GTF2IRD1: variants seen among roughly 807,000 people sequenced by gnomAD.
GTF2IRD1 encodes the protein GTF2I repeat domain containing 1, also known as general transcription factor II-I repeat domain-containing protein 1.
In GTF2IRD1, 26 loss-of-function variants were observed where a neutral mutation model predicts 113.2. The observed-to-expected ratio is 0.23, with a 90% confidence interval of 0.17 to 0.32. GTF2IRD1 has a LOEUF of 0.32. GTF2IRD1 is among the 10% of genes least tolerant of loss of function. The pLI is 1.00. For missense variants in GTF2IRD1, 864 were observed against 1,280.8 expected, an observed-to-expected ratio of 0.67 and a Z score of 4.97; for synonymous variants, 484 against 529.1, an observed-to-expected ratio of 0.91 and a Z score of 1.17.
chr7:74,460,853 G>T lies in GTF2IRD1; in HGVS notation c.-7+6677G>T, dbSNP rs550188234. ...AAAGCTGGGAGACCCCGCCACGGGG[G>T]CGGTTGTGGACTTGAGGGGCTGACC... On this transcript the variant is annotated intron_variant, in intron 1 of 26. Coordinates refer to ENST00000424337, the MANE Select transcript of GTF2IRD1 (RefSeq NM_005685.4). Among the ~76,000 whole-genome samples, 12 of 152,332 alleles carry T rather than the reference G, an allele frequency of 7.9e-5. No homozygotes were observed. The South Asian group carries it at 2.5e-3, about 32-fold the overall frequency.
intron 9 of GTF2IRD1, among the ~76,000 whole-genome samples, chr7:74,534,605 G>C (rs1456714783): frequency 6.6e-6 from 1 of 151,996 alleles, no homozygotes; most frequent in African/African-American, 2.4e-5. Flanking sequence ...GCAGAGCTGG[G>C]GGAGCGAGGC....
chr7:74,580,785 C>T (rs1341987198), intron 22 of GTF2IRD1, among the ~76,000 whole-genome samples: 3 of 152,064 alleles, frequency 2.0e-5, no homozygotes, highest in African/African-American at 7.2e-5. Flanking sequence ...GTCGCTGCTG[C>T]GGGGATGGGT....
intron 1 of GTF2IRD1, among the ~76,000 whole-genome samples, chr7:74,473,777 A>G (rs1319186251): frequency 6.6e-6 from 1 of 152,130 alleles, no homozygotes; most frequent in East Asian, 1.9e-4. Flanking sequence ...CAACCTTGGT[A>G]GCACAGGACA....
intron 21 of GTF2IRD1, 111 bp downstream of exon 21, chr7:74,559,155 G>GCCAGGAGAGCCACCTT: frequency 1.0e-6 from 1 of 982,408 alleles, no homozygotes; most frequent in Non-Finnish European, 1.5e-6. Context: ...TGGACAAGGT[G>GCCAGGAGAGCCACCTT]GCTCTCCTGG....
chr7:74,583,348 C>CACAT lies in GTF2IRD1; in HGVS notation c.2321-6503_2321-6502insACAT, dbSNP rs143447850. Among the ~76,000 whole-genome samples, 690 of 151,524 alleles carry CACAT rather than the reference C, an allele frequency of 4.6e-3. 30 individuals carry two copies. Among genetic ancestry groups the CACAT allele is most frequent in the Admixed American group, 0.04 (601 of 15,126 alleles). On this transcript the variant is annotated intron_variant, in intron 22 of 26. Coordinates refer to ENST00000424337, the MANE Select transcript of GTF2IRD1 (RefSeq NM_005685.4). ...GGATTACAGGCACACACCACCATGC[C>CACAT]CAGCTAATTTTTCTTTTTTTTTCTT...
intron 15 of GTF2IRD1, among the ~76,000 whole-genome samples, chr7:74,545,031 A>G (rs1221040110): frequency 6.6e-6 from 1 of 152,166 alleles, no homozygotes; most frequent in Non-Finnish European, 1.5e-5. Flanking sequence ...AGCAGTTCCC[A>G]CTGCTAAGGA....
Position 74,508,075 on chromosome 7 carries a change from G to A in GTF2IRD1, c.-6G>A, listed in dbSNP as rs376684538. The A allele has an allele frequency of 1.2e-5, 19 of 1,604,364 alleles. No individual in the cohort carries two copies. Among genetic ancestry groups the A allele is most frequent in the East Asian group, 6.7e-5 (3 of 44,854 alleles). ...ACCACTGCCTCCTCCCTCCCCACAG[G>A]CGACCATGGCCTTGCTGGGTAAGCG... On this transcript the variant is annotated splice_region_variant and 5_prime_UTR_variant, in exon 2 of 27. Coordinates refer to ENST00000424337, the MANE Select transcript of GTF2IRD1 (RefSeq NM_005685.4).
intron 2 of GTF2IRD1, among the ~76,000 whole-genome samples, chr7:74,509,881 T>A (rs1796525151): frequency 6.6e-6 from 1 of 152,094 alleles, no homozygotes; most frequent in South Asian, 2.1e-4. Flanking sequence ...TTCACCATGT[T>A]GGCCAGGATG....
Position 74,590,972 on chromosome 7 carries a change from T to C in GTF2IRD1, c.2546T>C (p.Leu849Pro). The C allele has an allele frequency of 6.2e-7, 1 of 1,613,348 alleles. No individual in the cohort carries two copies. Among genetic ancestry groups the C allele is most frequent in the Non-Finnish European group, 8.5e-7 (1 of 1,179,944 alleles). Residue 849 changes from leucine (L) to proline (P), a missense_variant, in exon 24 of 27, where the codon CTG becomes CCG. This residue lies in a region of GTF2IRD1 where 195 missense variants were observed against 359.1 expected (regional missense o/e 0.54). Coordinates refer to ENST00000424337, the MANE Select transcript of GTF2IRD1 (RefSeq NM_005685.4). ...TYDIHRLEKILKAREHVRMVI... is the reference protein window; with the variant it reads ...TYDIHRLEKIPKAREHVRMVI... ...GACATCCACCGGCTGGAGAAGATCC[T>C]GAAGGCCCGAGAGCATGTCCGCATG...
chr7:74,573,416 C>T (rs1362724087), intron 22 of GTF2IRD1, among the ~76,000 whole-genome samples: 4 of 149,984 alleles, frequency 2.7e-5, no homozygotes, highest in South Asian at 4.2e-4. Flanking sequence ...AAAAAAAAAA[C>T]GATTAAAATT....
At chr7:74,573,181 C>A (rs1173538587) in intron 22 of GTF2IRD1, among the ~76,000 whole-genome samples, 1 of 151,948 alleles carries the variant, frequency 6.6e-6, no homozygotes, top group Non-Finnish European at 1.5e-5. Flanking sequence ...TTGAGGCAGG[C>A]GGATTGCTTG....
chr7:74,587,467 C>A (rs1399895717), intron 22 of GTF2IRD1, among the ~76,000 whole-genome samples: 17 of 151,322 alleles, frequency 1.1e-4, no homozygotes, highest in African/African-American at 3.9e-4. Flanking sequence ...GAAAAAAAAA[C>A]AGGAGTCATT....
At chr7:74,573,257 C>G (rs891812814) in intron 22 of GTF2IRD1, among the ~76,000 whole-genome samples, 1 of 151,678 alleles carries the variant, frequency 6.6e-6, no homozygotes, top group African/African-American at 2.4e-5. Flanking sequence ...AAAAAATGAG[C>G]CAGGCATGAG....
intron 1 of GTF2IRD1, among the ~76,000 whole-genome samples, chr7:74,472,164 C>T (rs1442356084): frequency 6.6e-6 from 1 of 152,218 alleles, no homozygotes; most frequent in Non-Finnish European, 1.5e-5. Context: ...TAGTTGGTGC[C>T]ACCATCCCTT....
At chr7:74,513,035 A>C in intron 3 of GTF2IRD1, 64 bp downstream of exon 3, 1 of 1,514,284 alleles carries the variant, frequency 6.6e-7, no homozygotes, top group Non-Finnish European at 9.1e-7. Flanking sequence ...GCTCTAGCCC[A>C]TCTCTGGGTC....
At position 74,482,223 on chromosome 7, in the gene GTF2IRD1, CTT is replaced by C. The variant is rs5884948; in HGVS notation, c.-6-25830_-6-25829del. Among the ~76,000 whole-genome samples the C allele has an allele frequency of 2.6e-3, 277 of 107,944 alleles. 1 individual carries two copies. The highest frequency in any genetic ancestry group is 8.5e-3 in the African/African-American group (224 of 26,418). 70.8% of individuals were successfully genotyped at this position (107,944 alleles called of 152,430 possible). A position where few individuals can be genotyped will look rare whatever the true frequency, so the allele number is the denominator to read the frequency against. On this transcript the variant is annotated intron_variant, in intron 1 of 26. Transcript: ENST00000424337. ...TCCCAATACCTGATGTCTCCTAAAA[CTT>C]TTTTTTTTTTTTTTTTTTTTTGAGA... is the stretch of plus-strand genomic sequence containing the variant.
chr7:74,536,872 A>T (rs1554350349), intron 11 of GTF2IRD1, among the ~76,000 whole-genome samples: 2 of 152,010 alleles, frequency 1.3e-5, no homozygotes, highest in Non-Finnish European at 2.9e-5. Context: ...GCGCTTTGGG[A>T]GGCTGAGGTG....
At chr7:74,557,795 C>A in intron 20 of GTF2IRD1, 73 bp downstream of exon 20, 1 of 884,468 alleles carries the variant, frequency 1.1e-6, no homozygotes, top group South Asian at 1.4e-5. Flanking sequence ...TTCCCAGTTC[C>A]AGCCGAGGGC....
intron 1 of GTF2IRD1, among the ~76,000 whole-genome samples, chr7:74,474,077 A>G: frequency 1.0e-5 from 1 of 97,538 alleles, no homozygotes; most frequent in East Asian, 2.4e-4. Context: ...TACAAAAAAA[A>G]AAAACAAACA....
Sources: allele counts gnomAD v4.1 joint callset (sites outside exome capture counted in the v4.1 genomes callset), GRCh38; gene constraint gnomAD v4.1.1; regional missense constraint gnomAD v4.1.1; transcripts MANE v1.5; gene names NCBI Gene and HGNC (gene_info 2026-07-23, HGNC 2026-07-21).